The following ADAMTS17 variants were observed in gnomAD, a reference collection of about 807,000 sequenced individuals.
ADAMTS17 encodes ADAM metallopeptidase with thrombospondin type 1 motif 17, also known as A disintegrin and metalloproteinase with thrombospondin motifs 17.
ADAMTS17 carries 113 observed loss-of-function variants against 141.5 expected under a neutral mutation model. The observed-to-expected ratio is 0.80, with a 90% CI of 0.69 to 0.93. The LOEUF is 0.93. Among genes scored for constraint, ADAMTS17 ranks in the 40% least tolerant of loss-of-function variants. ADAMTS17 has a pLI of 0.00. For synonymous variants in ADAMTS17, 768 were observed against 630.6 expected, an observed-to-expected ratio of 1.22 and a Z score of -3.27; for missense variants, 1,659 against 1,517.9, an observed-to-expected ratio of 1.09 and a Z score of -1.54.
chr15:100,237,523 A>G (rs1345841157), intron 7 of ADAMTS17, among the ~76,000 whole-genome samples: 1 of 152,230 alleles, frequency 6.6e-6, no homozygotes, highest in Non-Finnish European at 1.5e-5. Flanking sequence ...CAGAGCAGGC[A>G]TTGTGCAGGA....
rs58583934 is a variant in ADAMTS17, at chr15:100,193,114, C to G, written c.1181+6204G>C. 3.3e-3 allele frequency among the ~76,000 whole-genome samples: 503 copies of G among 152,388 alleles called. 2 individuals carry two copies. The highest frequency in any genetic ancestry group is 8.5e-3 in the African/African-American group (353 of 41,598). On this transcript the variant is annotated intron_variant, in intron 8 of 21. Transcript: ENST00000268070. ...TCACCTGCACCTGGTGGCAGCCCCA[C>G]CTGCCCTCTGGCCTTGCAGGGCTCC...
At chr15:100,127,210 T>C (rs1198084254) in intron 12 of ADAMTS17, among the ~76,000 whole-genome samples, 1 of 152,094 alleles carries the variant, frequency 6.6e-6, no homozygotes, top group Non-Finnish European at 1.5e-5. Flanking sequence ...AGACCTTATT[T>C]GGCAAAAGGG....
rs187247974 is a variant in ADAMTS17, at chr15:100,217,523, C to T, written c.1076-18100G>A. 6.6e-5 allele frequency among the ~76,000 whole-genome samples: 10 copies of T among 152,122 alleles called. No homozygotes were observed. The East Asian group carries it at 1.2e-3, about 18-fold the overall frequency. ...CTGAGGCAGGAGAATCGCTTGAATC[C>T]GGGAGGCGGAGGCTGCAGTGAGCCG... On this transcript the variant is annotated intron_variant, in intron 7 of 21. Transcript: ENST00000268070.
chr15:100,294,157 T>C (rs989498259), intron 3 of ADAMTS17, among the ~76,000 whole-genome samples: 1 of 152,226 alleles, frequency 6.6e-6, no homozygotes, highest in African/African-American at 2.4e-5. Context: ...CCACTCGTCT[T>C]ATTTCTATCA....
At chr15:100,257,612 A>G (rs1303231994) in intron 6 of ADAMTS17, among the ~76,000 whole-genome samples, 1 of 152,224 alleles carries the variant, frequency 6.6e-6, no homozygotes, top group Non-Finnish European at 1.5e-5. Context: ...GTGGCTGACA[A>G]AACCTTGTTT....
Position 100,116,892 on chromosome 15 carries a change from G to A in ADAMTS17, c.1843C>T (p.Leu615=). Residue 615 remains leucine (L), a synonymous_variant, in exon 13 of 22, where the codon CTG becomes TTG. Transcript: ENST00000268070. ...AGCAGGCCTTTCTTCTTGGGGCTCA[G>A]CCGGTCGTGTGCCTGGCACTGCTGG... ...RDQQCQAHDR[L]SPKKKGLLTA... The A allele has an allele frequency of 1.2e-6, 2 of 1,614,204 alleles. No homozygotes were observed. Among genetic ancestry groups the A allele is most frequent in the South Asian group, 2.2e-5 (2 of 91,086 alleles).
chr15:100,317,147 A>G (rs1402080546), intron 3 of ADAMTS17, among the ~76,000 whole-genome samples: 3 of 152,182 alleles, frequency 2.0e-5, no homozygotes, highest in Admixed American at 2.0e-4. Context: ...AAATCCTAAG[A>G]TTTCCTCAGT....
At position 100,131,943 on chromosome 15, in the gene ADAMTS17, C is replaced by T. The variant is rs577474157; in HGVS notation, c.1721+64G>A. The T allele has an allele frequency of 1.6e-5, 26 of 1,610,546 alleles. No homozygotes were observed. In the East Asian group the frequency reaches 3.8e-4, roughly 23 times the overall value. ...ACAGACCCTGCTTTGTGTGAGGCAG[C>T]GAGAGCTGCTGTTGGGAAACTCCAA... On this transcript the variant is annotated intron_variant, in intron 12 of 21. Transcript: ENST00000268070.
chr15:100,091,029 G>C (rs1441470256), intron 15 of ADAMTS17, among the ~76,000 whole-genome samples: 1 of 88,196 alleles, frequency 1.1e-5, no homozygotes, highest in Non-Finnish European at 2.0e-5. Context: ...AAAAAAAAAA[G>C]GGTAACCAAT....
chr15:100,186,028 T>C (rs1018342704), intron 8 of ADAMTS17, among the ~76,000 whole-genome samples: 1 of 152,168 alleles, frequency 6.6e-6, no homozygotes, highest in Admixed American at 6.5e-5. Context: ...TCATCTCTTA[T>C]GCCAGCCCTA....
At chr15:100,160,390 A>G (rs2039635935) in intron 8 of ADAMTS17, among the ~76,000 whole-genome samples, 1 of 152,206 alleles carries the variant, frequency 6.6e-6, no homozygotes, top group South Asian at 2.1e-4. Flanking sequence ...TTTTTCAAAC[A>G]TGGATGTTGC....
chr15:100,306,241 C>G, intron 3 of ADAMTS17: 1 of 338,282 alleles, frequency 3.0e-6, no homozygotes, highest in South Asian at 2.4e-5. Flanking sequence ...GGGTCTATCT[C>G]TCTGCCCTTG....
chr15:100,166,032 C>A (rs2039938708), intron 8 of ADAMTS17, among the ~76,000 whole-genome samples: 1 of 152,188 alleles, frequency 6.6e-6, no homozygotes, highest in African/African-American at 2.4e-5. Context: ...GAAATCACAT[C>A]ATTAGAAGTT....
intron 18 of ADAMTS17, among the ~76,000 whole-genome samples, chr15:100,004,163 A>C (rs2060986856): frequency 6.6e-6 from 1 of 152,236 alleles, no homozygotes. Context: ...CCCGGGGTGC[A>C]CACGTTCACA....
At chr15:100,068,587 T>A in intron 15 of ADAMTS17, among the ~76,000 whole-genome samples, 1 of 152,234 alleles carries the variant, frequency 6.6e-6, no homozygotes, top group African/African-American at 2.4e-5. Context: ...CAACATCTGC[T>A]GTTCACCAAT....
intron 15 of ADAMTS17, among the ~76,000 whole-genome samples, chr15:100,070,283 A>G (rs2033873749): frequency 1.3e-5 from 2 of 150,020 alleles, no homozygotes; most frequent in African/African-American, 2.5e-5. Context: ...ACTCCCACAC[A>G]ATAATAATGG....
rs1366501981 is a variant in ADAMTS17 at position 100,096,496 on chromosome 15, C to G, written c.2017-20G>C. ...GATTTTCTAAAGAACCAGAGGGCCT[C>G]ATTATTCTGTGGTTAAGACTCAGAG... On this transcript the variant is annotated intron_variant, in intron 14 of 21. Transcript: ENST00000268070. 3 of 1,613,990 alleles carry G rather than the reference C, an allele frequency of 1.9e-6. No individual in the cohort carries two copies. The highest frequency in any genetic ancestry group is 2.5e-6 in the Non-Finnish European group (3 of 1,179,996).
At chr15:100,135,066 G>C (rs955448442) in intron 10 of ADAMTS17, among the ~76,000 whole-genome samples, 3 of 152,156 alleles carry the variant, frequency 2.0e-5, no homozygotes, top group African/African-American at 4.8e-5. Context: ...GGACAGGAGC[G>C]GTTGGGATTA....
At position 100,131,956 on chromosome 15, in the gene ADAMTS17, T is replaced by G. The variant is rs538830981; in HGVS notation, c.1721+51A>C. On this transcript the variant is annotated intron_variant, in intron 12 of 21. Coordinates refer to ENST00000268070, the MANE Select transcript of ADAMTS17 (RefSeq NM_139057.4). The stretch of plus-strand genomic sequence containing the variant: ...TGTGTGAGGCAGCGAGAGCTGCTGT[T>G]GGGAAACTCCAATCGTGGCACGTTG... 5.6e-6 allele frequency: 9 copies of G among 1,613,128 alleles called. No homozygotes were observed. In the South Asian group the frequency reaches 8.8e-5, roughly 16 times the overall value.
Sources: allele counts gnomAD v4.1 joint callset (sites outside exome capture counted in the v4.1 genomes callset), GRCh38; gene constraint gnomAD v4.1.1; transcripts MANE v1.5; gene names NCBI Gene and HGNC (gene_info 2026-07-23, HGNC 2026-07-21).